BLTP1: variants seen among roughly 807,000 people sequenced by gnomAD.
BLTP1 encodes fragile site-associated protein.
the BLTP1 span, chr4:122,281,254 C>G: frequency 1.0e-6 from 1 of 960,138 alleles, no homozygotes; most frequent in African/African-American, 1.8e-5. Flanking sequence ...TGGAATCAGA[C>G]AAATCTGAGT....
At chr4:122,183,939 T>C in the BLTP1 span, among the ~76,000 whole-genome samples, 1 of 151,886 alleles carries the variant, frequency 6.6e-6, no homozygotes. Context: ...TTTTTCAAAA[T>C]CATAAACCAG....
chr4:122,307,402 C>A, the BLTP1 span: 1 of 907,102 alleles, frequency 1.1e-6, no homozygotes. Flanking sequence ...TGCTTTTCCT[C>A]CTACTTCTCT....
chr4:122,295,545 A>G, the BLTP1 span, among the ~76,000 whole-genome samples: 1 of 152,140 alleles, frequency 6.6e-6, no homozygotes, highest in African/African-American at 2.4e-5. Flanking sequence ...TTCTATTGAA[A>G]CTATTCCAAA....
the BLTP1 span, chr4:122,275,879 C>A: frequency 6.3e-5 from 83 of 1,311,148 alleles, no homozygotes; most frequent in South Asian, 2.0e-3. Context: ...GAAAAGCTTT[C>A]CAGATGATTG....
the BLTP1 span, chr4:122,346,672 C>G: frequency 6.2e-7 from 1 of 1,613,444 alleles, no homozygotes; most frequent in Non-Finnish European, 8.5e-7. Flanking sequence ...TGCGCCGACT[C>G]AGTGAAATTC....
chr4:122,316,963 T>C, the BLTP1 span: 4 of 768,806 alleles, frequency 5.2e-6, 1 homozygote, highest in South Asian at 6.2e-5. Flanking sequence ...ACAAACTCTT[T>C]AGTTTATCTG....
the BLTP1 span, chr4:122,187,203 A>T: frequency 3.4e-5 from 33 of 979,224 alleles, no homozygotes; most frequent in Non-Finnish European, 4.0e-5. Context: ...TAGTTTTGTT[A>T]TAATAGCTTA....
At chr4:122,286,535 T>C in the BLTP1 span, 1 of 1,613,924 alleles carries the variant, frequency 6.2e-7, no homozygotes, top group Middle Eastern at 1.7e-4. Flanking sequence ...TTCTCATTTC[T>C]TACAGGTGCA....
At chr4:122,208,275 G>A in the BLTP1 span, 1 of 652,924 alleles carries the variant, frequency 1.5e-6, no homozygotes, top group Non-Finnish European at 1.9e-6. Flanking sequence ...CATTAGGAAA[G>A]TGAGGAACAG....
the BLTP1 span, chr4:122,359,284 T>TTAGGAAACC: frequency 1.0e-6 from 1 of 964,832 alleles, no homozygotes; most frequent in Non-Finnish European, 1.2e-6. Context: ...CAGCCATTCT[T>TTAGGAAACC]TAGGAAACCT....
the BLTP1 span, among the ~76,000 whole-genome samples, chr4:122,194,202 T>C: frequency 2.6e-5 from 4 of 152,184 alleles, no homozygotes; most frequent in African/African-American, 9.6e-5. Context: ...AGGTATAATA[T>C]ACCGAACAGT....
At chr4:122,301,017 T>C in the BLTP1 span, 1 of 981,486 alleles carries the variant, frequency 1.0e-6, no homozygotes, top group Non-Finnish European at 1.2e-6. Context: ...CAGTTTACTT[T>C]TTTCCCTCAA....
the BLTP1 span, chr4:122,229,810 A>G: frequency 1.5e-6 from 2 of 1,297,224 alleles, no homozygotes; most frequent in Non-Finnish European, 9.8e-7. Flanking sequence ...TTTTTCCTTT[A>G]TTTTCTCCTT....
the BLTP1 span, among the ~76,000 whole-genome samples, chr4:122,261,101 A>G: frequency 6.6e-6 from 1 of 152,194 alleles, no homozygotes; most frequent in Non-Finnish European, 1.5e-5. Flanking sequence ...TTTCTATTGA[A>G]TAGTCTCTTG....
the BLTP1 span, among the ~76,000 whole-genome samples, chr4:122,248,499 G>A: frequency 3.2e-4 from 48 of 152,070 alleles, no homozygotes; most frequent in East Asian, 4.2e-3. Context: ...ATAGGGAGGG[G>A]AACTAGGTGT....
chr4:122,361,382 A>T, the BLTP1 span, among the ~76,000 whole-genome samples: 1,038 of 152,200 alleles, frequency 6.8e-3, 11 homozygotes, highest in African/African-American at 0.024. Context: ...CTATGTATGT[A>T]CTCAGCCACA....
At chr4:122,255,107 T>G in the BLTP1 span, 4 of 1,588,460 alleles carry the variant, frequency 2.5e-6, no homozygotes, top group Non-Finnish European at 3.4e-6. Context: ...TCACTCTAAA[T>G]CTATTGTTGT....
the BLTP1 span, chr4:122,305,559 A>C: frequency 1.0e-6 from 1 of 984,840 alleles, no homozygotes; most frequent in Admixed American, 6.2e-5. Context: ...ACGAGGAAAA[A>C]ATGAACAAAA....
At chr4:122,361,901 T>C in the BLTP1 span, 13 of 1,024,102 alleles carry the variant, frequency 1.3e-5, no homozygotes, top group Non-Finnish European at 1.8e-5. Context: ...GGCTCATTTA[T>C]ACAAATGTAC....
Sources: allele counts gnomAD v4.1 joint callset (sites outside exome capture counted in the v4.1 genomes callset), GRCh38; gene constraint gnomAD v4.1.1; transcripts MANE v1.5; gene names NCBI Gene and HGNC (gene_info 2026-07-23, HGNC 2026-07-21).